Variants in ECT2 observed in about 807,000 individuals in gnomAD.
ECT2 encodes the protein protein ECT2.
A neutral mutation model predicts 116.9 loss-of-function variants in ECT2; 61 were observed. The observed-to-expected ratio is 0.52, with a 90% confidence interval of 0.42 to 0.65. The LOEUF is 0.65. ECT2 is among the 30% of genes least tolerant of loss of function. The pLI is 0.00. For missense variants in ECT2, 937 were observed against 1,078.7 expected (o/e 0.87, Z 1.84); for synonymous variants, 358 against 346.4 (o/e 1.03, Z -0.37).
chr3:172,754,037 G>A (rs9821163), intron 1 of ECT2, among the ~76,000 whole-genome samples: 6 of 152,154 alleles, frequency 3.9e-5, no homozygotes, highest in Admixed American at 6.6e-5. Flanking sequence ...GAGAAGGGGG[G>A]CCAGATTCCA....
At chr3:172,814,362 A>G (rs961609283) in intron 22 of ECT2, among the ~76,000 whole-genome samples, 2 of 152,112 alleles carry the variant, frequency 1.3e-5, no homozygotes, top group African/African-American at 4.8e-5. Context: ...GATATATTCT[A>G]CATTTTTAAA....
intron 24 of ECT2, 92 bp from the exon 25 acceptor site, chr3:172,820,056 A>C: frequency 1.2e-6 from 1 of 831,676 alleles, no homozygotes; most frequent in Non-Finnish European, 1.8e-6. Flanking sequence ...TAATTTGTAA[A>C]ATGTAAAAAT....
In ECT2 at chr3:172,750,736, G is replaced by A. The variant is rs1466574537; in HGVS notation, c.-144G>A. 6.6e-6 allele frequency: 1 copy of A among 152,660 alleles called. No homozygotes were observed. Among genetic ancestry groups the A allele is most frequent in the Admixed American group, 6.5e-5 (1 of 15,292 alleles). 9.5% of individuals were successfully genotyped at this position (152,660 alleles called of 1,614,324 possible). ...TTGACATCACGCGCCAATCGGCATG[G>A]CTCTTAGAGAGAGCAGCTTAGTTTT... On this transcript the variant is annotated 5_prime_UTR_variant, in exon 1 of 25. Coordinates refer to ENST00000392692, the MANE Select transcript of ECT2 (RefSeq NM_001258315.2).
At chr3:172,784,674 C>A (rs1387218372) in intron 16 of ECT2, 33 bp from the exon 17 acceptor site, 6 of 1,544,242 alleles carry the variant, frequency 3.9e-6, no homozygotes, top group Admixed American at 3.3e-5. Context: ...TTCAGAAAAC[C>A]TTTTTTGAAA....
At chr3:172,778,674 C>T (rs1384637995) in intron 14 of ECT2, among the ~76,000 whole-genome samples, 1 of 140,550 alleles carries the variant, frequency 7.1e-6, no homozygotes, top group Non-Finnish European at 1.5e-5. Flanking sequence ...CAGCTCACTG[C>T]AACCTCCACC....
chr3:172,809,764 A>G lies in ECT2; in HGVS notation c.2400+1840A>G, dbSNP rs144755960. 1.5e-3 allele frequency among the ~76,000 whole-genome samples: 230 copies of G among 152,190 alleles called. 1 individual carries two copies. Among genetic ancestry groups the G allele is most frequent in the South Asian group, 9.5e-3 (46 of 4,822 alleles). On this transcript the variant is annotated intron_variant, in intron 22 of 24. Coordinates refer to ENST00000392692, the MANE Select transcript of ECT2 (RefSeq NM_001258315.2). Reference sequence around the variant, plus strand: ...ATAAGCACAACTAATAAGCACAACTATTTTATTCTATACTATTTCATTTGT... The same window carrying G: ...ATAAGCACAACTAATAAGCACAACTGTTTTATTCTATACTATTTCATTTGT...
rs763222230 is a variant in ECT2, at chr3:172,757,215, G to A, written c.486+50G>A. The A allele has an allele frequency of 7.6e-6, 10 of 1,319,876 alleles. No individual in the cohort carries two copies. In the South Asian group the frequency reaches 8.5e-5, roughly 11 times the overall value. The allele number at this position is 1,319,876 out of a possible 1,614,324, so 81.8% of individuals were successfully genotyped here. ...TTTTCAAGTTAAAATTTTTATTAAT[G>A]AATTTTAATTAGCAAAAAATTTATT... is the stretch of plus-strand genomic sequence containing the variant. On this transcript the variant is annotated intron_variant, in intron 5 of 24. Coordinates refer to ENST00000392692, the MANE Select transcript of ECT2 (RefSeq NM_001258315.2).
At chr3:172,803,780 C>CTCTGTT (rs550744477) in intron 20 of ECT2, among the ~76,000 whole-genome samples, 15 of 151,092 alleles carry the variant, frequency 9.9e-5, no homozygotes, top group African/African-American at 3.4e-4. Context: ...CTTTCTCTTT[C>CTCTGTT]TCTGTTTCTG....
In ECT2 at chr3:172,755,348, CAAG is replaced by C. The variant is rs768081724; in HGVS notation, c.190_192del (p.Glu64del). The C allele has an allele frequency of 2.8e-5, 45 of 1,604,250 alleles. No homozygotes were observed. The South Asian group carries it at 4.6e-4, about 17-fold the overall frequency. Reference sequence around the variant, plus strand: ...GATATTGGTTCAAGAAGCTGGAAAACAAGAAGAACTTATAAAAGCCTTAAAGGT... The same window carrying C: ...GATATTGGTTCAAGAAGCTGGAAAACAAGAACTTATAAAAGCCTTAAAGGT... On this transcript the variant is annotated inframe_deletion, in exon 3 of 25. Coordinates refer to ENST00000392692, the MANE Select transcript of ECT2 (RefSeq NM_001258315.2).
chr3:172,795,343 AAT>A (rs1452498485), intron 18 of ECT2, among the ~76,000 whole-genome samples: 7 of 149,364 alleles, frequency 4.7e-5, no homozygotes, highest in South Asian at 2.1e-4. Flanking sequence ...AAAAAAAAAA[AAT>A]TTTCAAAATT....
intron 15 of ECT2, 32 bp downstream of exon 15, chr3:172,782,263 G>C (rs1299978029): frequency 1.5e-6 from 2 of 1,333,830 alleles, no homozygotes; most frequent in Non-Finnish European, 1.1e-6. Flanking sequence ...TAAGTTTTCA[G>C]ATTAAAATAT....
In ECT2 at chr3:172,773,945, C is replaced by G; in HGVS notation, c.1471C>G (p.Pro491Ala). Residue 491 changes from proline (P) to alanine (A), a missense_variant, in exon 14 of 25, where the codon CCT (proline) becomes GCT (alanine). Pro to Ala is a conservative substitution (Grantham distance 27). Transcript: ENST00000392692. ...PLEEEGQRGG[P>A]ILAPEEIKTI... ...GGAAGAGGAAGGACAACGTGGTGGA[C>G]CTATCCTTGCACCAGAGGAGATTAA... The G allele has an allele frequency of 3.1e-6, 5 of 1,613,016 alleles. No homozygotes were observed. The highest frequency in any genetic ancestry group is 4.2e-6 in the Non-Finnish European group (5 of 1,179,058).
At chr3:172,824,175 G>T (rs1410589852), downstream of ECT2, among the ~76,000 whole-genome samples, 3 of 152,108 alleles carry the variant, frequency 2.0e-5, no homozygotes, top group Admixed American at 1.3e-4. Context: ...AAATCTGATG[G>T]TACCACGTGT....
At chr3:172,779,585 C>T (rs1020944891) in intron 14 of ECT2, among the ~76,000 whole-genome samples, 9 of 152,144 alleles carry the variant, frequency 5.9e-5, no homozygotes, top group Non-Finnish European at 1.0e-4. Flanking sequence ...GTACATCTTA[C>T]GTGTTTTTAA....
chr3:172,804,338 T>C (rs1263438064), intron 20 of ECT2, among the ~76,000 whole-genome samples: 5 of 152,158 alleles, frequency 3.3e-5, no homozygotes, highest in African/African-American at 1.2e-4. Context: ...AAATACTTTT[T>C]TTTGGTCAAT....
At chr3:172,781,502 TTAA>T (rs1274062738) in intron 14 of ECT2, among the ~76,000 whole-genome samples, 3 of 152,212 alleles carry the variant, frequency 2.0e-5, no homozygotes, top group Non-Finnish European at 4.4e-5. Flanking sequence ...GATGTCTACT[TTAA>T]AATCACTTAG....
chr3:172,802,382 G>A (rs564075981), intron 18 of ECT2, among the ~76,000 whole-genome samples: 1 of 152,198 alleles, frequency 6.6e-6, no homozygotes, highest in African/African-American at 2.4e-5. Flanking sequence ...CAAAGTGCTG[G>A]GATTACAGGC....
intron 17 of ECT2, among the ~76,000 whole-genome samples, 184 bp from the exon 18 acceptor site, chr3:172,786,309 A>G (rs1330736021): frequency 1.3e-5 from 2 of 152,214 alleles, no homozygotes; most frequent in Non-Finnish European, 2.9e-5. Flanking sequence ...TAGTCAGTAA[A>G]AATGGAAACC....
chr3:172,783,698 C>T, intron 15 of ECT2, 101 bp from the exon 16 acceptor site: 1 of 728,454 alleles, frequency 1.4e-6, no homozygotes, highest in Non-Finnish European at 2.3e-6. Context: ...TTTGCATCCA[C>T]TATGTCAGAT....
Sources: allele counts gnomAD v4.1 joint callset (sites outside exome capture counted in the v4.1 genomes callset), GRCh38; gene constraint gnomAD v4.1.1; transcripts MANE v1.5; gene names NCBI Gene and HGNC (gene_info 2026-07-23, HGNC 2026-07-21).